SEMA3D: variants seen among roughly 807,000 people sequenced by gnomAD.
SEMA3D encodes semaphorin 3D, also known as semaphorin-3D.
Under a neutral mutation model 100.1 loss-of-function variants are expected in SEMA3D, and 84 were observed. The observed-to-expected ratio is 0.84, with a 90% CI of 0.70 to 1.01. The LOEUF is 1.01. Ranked by LOEUF, SEMA3D falls within the 50% of genes least tolerant of loss-of-function variation. The pLI is 0.00. For missense variants in SEMA3D, 875 were observed against 934.1 expected, an observed-to-expected ratio of 0.94 and a Z score of 0.82; for synonymous variants, 312 against 320.7, an observed-to-expected ratio of 0.97 and a Z score of 0.29.
At chr7:85,224,149 A>G in the SEMA3D span, among the ~76,000 whole-genome samples, 1 of 152,192 alleles carries the variant, frequency 6.6e-6, no homozygotes, top group East Asian at 1.9e-4. Context: ...TTAGAAGAGC[A>G]CTGGGATTAT....
the SEMA3D span, among the ~76,000 whole-genome samples, chr7:85,202,962 G>A: frequency 6.7e-3 from 1,023 of 152,248 alleles, 15 homozygotes; most frequent in African/African-American, 0.024. Flanking sequence ...AGAGGGTGAG[G>A]TCTAATACCA....
At position 84,995,882 on chromosome 7, in the gene SEMA3D, G is replaced by A. The variant is rs916780679; in HGVS notation, c.*3558C>T. The stretch of plus-strand genomic sequence containing the variant: ...TCCTAATGTATGGAATCTGGGAATC[G>A]ATTTTATTTTACCTGACTTGTAAGA... On this transcript the variant is annotated 3_prime_UTR_variant, in exon 19 of 19. Coordinates refer to ENST00000284136, the MANE Select transcript of SEMA3D (RefSeq NM_001384900.1). 4.6e-5 allele frequency: 7 copies of A among 151,634 alleles called. No individual in the cohort carries two copies. The highest frequency in any genetic ancestry group is 1.0e-4 in the Non-Finnish European group (7 of 67,812). The allele number at this position is 151,634 out of a possible 1,614,324, so 9.4% of individuals were successfully genotyped here.
At chr7:85,077,502 G>A (rs1787907276) in intron 5 of SEMA3D, among the ~76,000 whole-genome samples, 1 of 151,390 alleles carries the variant, frequency 6.6e-6, no homozygotes, top group Admixed American at 6.6e-5. Context: ...AGGCAAACAG[G>A]AAAATTAAAA....
At chr7:85,119,959 A>ATTT (rs527903255) in intron 3 of SEMA3D, among the ~76,000 whole-genome samples, 5 of 138,918 alleles carry the variant, frequency 3.6e-5, no homozygotes, top group South Asian at 2.4e-4. Flanking sequence ...CATTAAGTGA[A>ATTT]TTTTTTTTTT....
At chr7:85,246,931 C>T in the SEMA3D span, among the ~76,000 whole-genome samples, 1 of 151,010 alleles carries the variant, frequency 6.6e-6, no homozygotes, top group Admixed American at 6.6e-5. Flanking sequence ...CAACTACCTG[C>T]AACAAAATAT....
chr7:85,128,722 A>G lies in SEMA3D; in HGVS notation c.-40-6791T>C, dbSNP rs377602977. On this transcript the variant is annotated intron_variant, in intron 2 of 18. Transcript: ENST00000284136. ...TGCCTATGTGAATAAATGGATTTGA[A>G]TTGTAAAAAATTGATTATTCATAAT... is the stretch of plus-strand genomic sequence containing the variant. Among the ~76,000 whole-genome samples, 9 of 151,796 alleles carry G rather than the reference A, an allele frequency of 5.9e-5. No homozygotes were observed. In the East Asian group the frequency reaches 1.7e-3, roughly 29 times the overall value.
intron 9 of SEMA3D, among the ~76,000 whole-genome samples, chr7:85,051,976 G>A (rs368736370): frequency 6.6e-6 from 1 of 151,934 alleles, no homozygotes; most frequent in East Asian, 1.9e-4. Context: ...CATGGCGATT[G>A]TATTGGATAG....
chr7:85,157,656 T>C (rs1790636769), intron 1 of SEMA3D: 1 of 983,334 alleles, frequency 1.0e-6, no homozygotes, highest in Admixed American at 6.2e-5. Flanking sequence ...TACATCAACA[T>C]TGTTTGGGGA....
At chr7:85,093,818 T>C (rs1394788182) in intron 4 of SEMA3D, among the ~76,000 whole-genome samples, 1 of 151,940 alleles carries the variant, frequency 6.6e-6, no homozygotes, top group African/African-American at 2.4e-5. Context: ...ATTCAAGGAA[T>C]GTATAATGTG....
rs145641152 is a variant in SEMA3D, at chr7:85,119,709, G to A, written c.151+2032C>T. 1.1e-4 allele frequency among the ~76,000 whole-genome samples: 16 copies of A among 152,192 alleles called. No homozygotes were observed. The East Asian group carries it at 2.5e-3, about 24-fold the overall frequency. Reference sequence around the variant, plus strand: ...AATAATCTGCACAACAAACCTCCACGACACAACTTGCCTATGTAACAAACC... The same window carrying A: ...AATAATCTGCACAACAAACCTCCACAACACAACTTGCCTATGTAACAAACC... On this transcript the variant is annotated intron_variant, in intron 3 of 18. Coordinates refer to ENST00000284136, the MANE Select transcript of SEMA3D (RefSeq NM_001384900.1).
chr7:85,024,042 A>G (rs1233956390), intron 12 of SEMA3D, among the ~76,000 whole-genome samples: 2 of 151,972 alleles, frequency 1.3e-5, no homozygotes, highest in African/African-American at 2.4e-5. Flanking sequence ...ATGTTGGTCT[A>G]AAGATCTAAG....
At chr7:85,051,888 G>A (rs1791175366) in intron 9 of SEMA3D, among the ~76,000 whole-genome samples, 1 of 151,836 alleles carries the variant, frequency 6.6e-6, no homozygotes, top group Admixed American at 6.6e-5. Context: ...AAATCTCTAT[G>A]ATAGGAGCAA....
At chr7:85,143,302 T>C in intron 2 of SEMA3D, 1 of 411,774 alleles carries the variant, frequency 2.4e-6, no homozygotes, top group Non-Finnish European at 3.3e-6. Flanking sequence ...AGCATAAAAA[T>C]ATACAGTCAT....
At chr7:85,130,746 TTA>T (rs1789704407) in intron 2 of SEMA3D, among the ~76,000 whole-genome samples, 1 of 152,164 alleles carries the variant, frequency 6.6e-6, no homozygotes, top group Non-Finnish European at 1.5e-5. Flanking sequence ...TATTTGTACC[TTA>T]TATGACTGCC....
intron 2 of SEMA3D, among the ~76,000 whole-genome samples, chr7:85,131,826 C>G (rs1005748512): frequency 2.6e-5 from 4 of 151,766 alleles, no homozygotes; most frequent in African/African-American, 9.7e-5. Context: ...CATTCCCACA[C>G]CTAGTATTTA....
the SEMA3D span, among the ~76,000 whole-genome samples, chr7:85,212,142 A>G: frequency 6.6e-6 from 1 of 152,152 alleles, no homozygotes; most frequent in Non-Finnish European, 1.5e-5. Flanking sequence ...ATGATCTAAT[A>G]GTACAAATGG....
chr7:85,186,455 C>T (rs1393250679), intron 1 of SEMA3D, among the ~76,000 whole-genome samples: 1 of 152,144 alleles, frequency 6.6e-6, no homozygotes, highest in Non-Finnish European at 1.5e-5. Flanking sequence ...GCCCCAGGGG[C>T]CGCGCTGAAG....
chr7:85,166,503 G>C (rs1487085926), intron 1 of SEMA3D, among the ~76,000 whole-genome samples: 1 of 151,938 alleles, frequency 6.6e-6, no homozygotes, highest in African/African-American at 2.4e-5. Flanking sequence ...CATTTATGAG[G>C]TATTACTAAG....
At chr7:85,032,535 C>A (rs1404797694) in intron 12 of SEMA3D, among the ~76,000 whole-genome samples, 2 of 151,894 alleles carry the variant, frequency 1.3e-5, no homozygotes, top group Non-Finnish European at 2.9e-5. Context: ...CCTTAGCTAC[C>A]ACGGATTTCT....
Sources: allele counts gnomAD v4.1 joint callset (sites outside exome capture counted in the v4.1 genomes callset), GRCh38; gene constraint gnomAD v4.1.1; transcripts MANE v1.5; gene names NCBI Gene and HGNC (gene_info 2026-07-23, HGNC 2026-07-21).